The following USH2A variants were observed in gnomAD, a reference collection of about 807,000 sequenced individuals.
USH2A encodes usherin.
A neutral mutation model predicts 538.9 loss-of-function variants in USH2A; 443 were observed. The observed-to-expected ratio is 0.82, with a 90% CI of 0.76 to 0.89. The LOEUF is 0.89. USH2A is among the 40% of genes least tolerant of loss of function. The pLI, the probability that USH2A is intolerant of heterozygous loss-of-function variation, is 0.00. For missense variants in USH2A, 6,633 were observed against 6,324.8 expected, an observed-to-expected ratio of 1.05 and a Z score of -1.65; for synonymous variants, 2,413 against 2,273.5, an observed-to-expected ratio of 1.06 and a Z score of -1.75.
At chr1:216,342,779 C>G (rs1482498659) in intron 4 of USH2A, among the ~76,000 whole-genome samples, 1 of 151,912 alleles carries the variant, frequency 6.6e-6, no homozygotes, top group Non-Finnish European at 1.5e-5. Flanking sequence ...TAAATGGGAG[C>G]TGAACAATGA....
chr1:215,917,890 G>A (rs188984474), intron 38 of USH2A, among the ~76,000 whole-genome samples: 1 of 151,956 alleles, frequency 6.6e-6, no homozygotes, highest in Non-Finnish European at 1.5e-5. Flanking sequence ...TTGAGCCCAG[G>A]AGATTGAGGC....
intron 3 of USH2A, among the ~76,000 whole-genome samples, chr1:216,370,677 C>CAAA (rs58845914): frequency 0.03 from 912 of 29,942 alleles, 165 homozygotes; most frequent in African/African-American, 0.097. Context: ...GACTCTGTCT[C>CAAA]AAAAAAAAAA....
intron 32 of USH2A, among the ~76,000 whole-genome samples, chr1:216,030,643 G>A (rs1406630704): frequency 2.9e-5 from 4 of 136,906 alleles, no homozygotes; most frequent in Admixed American, 7.7e-5. Context: ...TAATATATAC[G>A]ATATATATAT....
At chr1:216,066,825 T>A (rs542834818) in intron 30 of USH2A, among the ~76,000 whole-genome samples, 1 of 152,292 alleles carries the variant, frequency 6.6e-6, no homozygotes, top group East Asian at 1.9e-4. Context: ...ATTTCATAGG[T>A]TAGGACTTTA....
intron 20 of USH2A, among the ~76,000 whole-genome samples, chr1:216,188,007 T>G (rs2102652834): frequency 6.6e-6 from 1 of 152,080 alleles, no homozygotes; most frequent in Middle Eastern, 3.4e-3. Context: ...GTCACATGAC[T>G]TTTAGCGAAT....
intron 64 of USH2A, among the ~76,000 whole-genome samples, chr1:215,666,403 A>T (rs1176989218): frequency 6.6e-6 from 1 of 152,224 alleles, no homozygotes; most frequent in Non-Finnish European, 1.5e-5. Flanking sequence ...GAAAGCCAGG[A>T]TAGACCAACG....
chr1:215,981,477 T>C (rs1667751489), intron 35 of USH2A, among the ~76,000 whole-genome samples: 1 of 152,208 alleles, frequency 6.6e-6, no homozygotes, highest in African/African-American at 2.4e-5. Flanking sequence ...TCTTGTCTGA[T>C]ATTAAAATAG....
At chr1:216,130,526 ATATT>A (rs1444521623) in intron 21 of USH2A, among the ~76,000 whole-genome samples, 2 of 146,422 alleles carry the variant, frequency 1.4e-5, no homozygotes, top group African/African-American at 5.0e-5. Flanking sequence ...TCCATCATAT[ATATT>A]TATATATATA....
intron 21 of USH2A, among the ~76,000 whole-genome samples, chr1:216,112,109 C>T (rs1020361815): frequency 1.3e-5 from 2 of 152,006 alleles, no homozygotes; most frequent in African/African-American, 4.8e-5. Context: ...ACATGAATAA[C>T]AAAATCTCCA....
At chr1:215,685,815 C>T (rs765150146) in intron 61 of USH2A, among the ~76,000 whole-genome samples, 8 of 152,002 alleles carry the variant, frequency 5.3e-5, no homozygotes, top group Non-Finnish European at 7.4e-5. Context: ...ACTTCACCTG[C>T]ACACTTCCTT....
At chr1:215,893,551 A>C (rs17025567) in intron 40 of USH2A, among the ~76,000 whole-genome samples, 25,926 of 152,190 alleles carry the variant, frequency 0.17, 2,687 homozygotes, top group South Asian at 0.3. Flanking sequence ...TTTCCTGCTA[A>C]AGTGTCTTGC....
rs76394535 is a variant in USH2A, at chr1:215,816,919, G to A, written c.9570+78C>T. The stretch of plus-strand genomic sequence containing the variant: ...GGAAATATTGATCATAATACATCAT[G>A]GTGTGAGAAGCTAATAATTTCACTT... On this transcript the variant is annotated intron_variant, in intron 48 of 71. Transcript: ENST00000307340. 1,243 of 1,394,244 alleles carry A rather than the reference G, an allele frequency of 8.9e-4. 30 individuals are homozygous for A. The East Asian group carries it at 0.024, about 27-fold the overall frequency. The allele number at this position is 1,394,244 out of a possible 1,614,324, so 86.4% of individuals were successfully genotyped here. A position where few individuals can be genotyped will look rare whatever the true frequency, so the allele number is the denominator to read the frequency against.
At chr1:216,290,641 C>T (rs2036983874) in intron 10 of USH2A, among the ~76,000 whole-genome samples, 3 of 152,168 alleles carry the variant, frequency 2.0e-5, no homozygotes, top group Admixed American at 2.0e-4. Context: ...TTCTGATCTT[C>T]TCTAAAGCAT....
intron 21 of USH2A, among the ~76,000 whole-genome samples, chr1:216,137,376 G>A (rs191952365): frequency 3.9e-4 from 60 of 152,234 alleles, no homozygotes; most frequent in African/African-American, 1.4e-3. Context: ...CACTTCTTAC[G>A]TGGTGGCAGC....
intron 40 of USH2A, among the ~76,000 whole-genome samples, chr1:215,895,843 T>G (rs1665326635): frequency 6.6e-6 from 1 of 152,184 alleles, no homozygotes. Flanking sequence ...TACACAAACC[T>G]AGATGGTATA....
intron 61 of USH2A, among the ~76,000 whole-genome samples, chr1:215,705,387 C>T (rs1182124168): frequency 2.0e-5 from 3 of 152,120 alleles, no homozygotes; most frequent in Non-Finnish European, 2.9e-5. Flanking sequence ...CAATTAAACT[C>T]AATGTGTGTG....
chr1:215,870,204 G>A (rs1315945689), intron 43 of USH2A, among the ~76,000 whole-genome samples: 1 of 152,022 alleles, frequency 6.6e-6, no homozygotes, highest in Non-Finnish European at 1.5e-5. Flanking sequence ...TATTTCATTT[G>A]AGGCCGTACA....
intron 48 of USH2A, among the ~76,000 whole-genome samples, 158 bp downstream of exon 48, chr1:215,816,839 T>C (rs1032998115): frequency 2.6e-5 from 4 of 152,080 alleles, no homozygotes; most frequent in African/African-American, 9.7e-5. Context: ...ATGAGGGTGA[T>C]AGTGATTTTT....
Position 215,782,125 on chromosome 1 carries a change from C to T in USH2A, c.10657G>A (p.Asp3553Asn), listed in dbSNP as rs910086490. The T allele has an allele frequency of 1.9e-6, 3 of 1,613,958 alleles. No individual in the cohort carries two copies. Among genetic ancestry groups the T allele is most frequent in the Non-Finnish European group, 2.5e-6 (3 of 1,179,898 alleles). The change falls in exon 54 of 72, where the codon GAT becomes AAT. Residue 3553 changes from aspartate to asparagine, a missense_variant. By Grantham distance (23) the Asp-to-Asn change is conservative. Transcript: ENST00000307340. The stretch of plus-strand genomic sequence containing the variant: ...TGAAATGGTTGAATTCCCTCTTTAT[C>T]AGAGAAGCTCAGTGATGTTCCCCGA... ...RFRGTSLSFS[D>N]KEGIQPFQEY... is the part of the protein sequence containing the mutation.
Sources: allele counts gnomAD v4.1 joint callset (sites outside exome capture counted in the v4.1 genomes callset), GRCh38; gene constraint gnomAD v4.1.1; transcripts MANE v1.5; gene names NCBI Gene and HGNC (gene_info 2026-07-23, HGNC 2026-07-21).